The following COA1 variants were observed in gnomAD, a reference collection of about 807,000 sequenced individuals.
COA1 encodes the protein cytochrome c oxidase assembly factor 1 homolog.
Under a neutral mutation model 16.0 loss-of-function variants are expected in COA1, and 13 were observed. The ratio of observed to expected loss-of-function variants is 0.81; its 90% CI spans 0.53 to 1.29. The LOEUF (loss-of-function observed/expected upper bound fraction) is 1.29. Ranked by LOEUF, COA1 falls within the 50% of genes most tolerant of loss-of-function variation. The pLI, the probability that COA1 is intolerant of heterozygous loss-of-function variation, is 0.00. For synonymous variants in COA1, 65 were observed against 65.7 expected (o/e 0.99, Z 0.05); for missense variants, 179 against 177.0 (o/e 1.01, Z -0.06).
At chr7:43,653,035 GAAGT>G (rs1387139277) in intron 1 of COA1, among the ~76,000 whole-genome samples, 1 of 152,210 alleles carries the variant, frequency 6.6e-6, no homozygotes, top group African/African-American at 2.4e-5. Flanking sequence ...TTAAGAAAAA[GAAGT>G]ATGTGGCTCA....
chr7:43,696,928 T>A (rs1176893680), intron 1 of COA1, among the ~76,000 whole-genome samples: 1 of 151,900 alleles, frequency 6.6e-6, no homozygotes, highest in Admixed American at 6.6e-5. Flanking sequence ...ATCAAGACCA[T>A]CCTGGCCAAA....
rs745585047 is a variant in COA1, at chr7:43,647,516, C to A, written c.115+19G>T. The A allele has an allele frequency of 4.5e-6, 7 of 1,565,448 alleles. No individual in the cohort carries two copies. Among genetic ancestry groups the A allele is most frequent in the Non-Finnish European group, 6.2e-6 (7 of 1,135,452 alleles). On this transcript the variant is annotated intron_variant, in intron 3 of 5. Coordinates refer to ENST00000223336, the MANE Select transcript of COA1 (RefSeq NM_018224.4). ...GGCTAGGAGGAGGTCAGGCCGCAGG[C>A]GGCTAGCAGGATACTTACTTTGAAT...
At chr7:43,724,920 T>C (rs1028450082) in intron 1 of COA1, among the ~76,000 whole-genome samples, 1 of 152,220 alleles carries the variant, frequency 6.6e-6, no homozygotes, top group African/African-American at 2.4e-5. Context: ...AGATTTATCA[T>C]TTAATGGGTG....
At chr7:43,648,436 C>G (rs1171105550) in intron 2 of COA1, 164 bp downstream of exon 2, 4 of 789,582 alleles carry the variant, frequency 5.1e-6, no homozygotes, top group Non-Finnish European at 9.1e-6. Flanking sequence ...GAGTGGGAAA[C>G]AATGCAGAAA....
chr7:43,637,235 G>GTATT (rs2086040049), downstream of COA1, among the ~76,000 whole-genome samples: 1 of 152,146 alleles, frequency 6.6e-6, no homozygotes, highest in Admixed American at 6.5e-5. Context: ...TTTTGGCACA[G>GTATT]TATTATAATA....
intron 1 of COA1, among the ~76,000 whole-genome samples, chr7:43,695,804 A>G (rs2094507786): frequency 6.6e-6 from 1 of 152,248 alleles, no homozygotes; most frequent in Non-Finnish European, 1.5e-5. Flanking sequence ...TGGCAATACT[A>G]GTAAAACTGA....
At chr7:43,682,125 T>C (rs888324462) in intron 1 of COA1, among the ~76,000 whole-genome samples, 1 of 152,234 alleles carries the variant, frequency 6.6e-6, no homozygotes, top group Non-Finnish European at 1.5e-5. Context: ...TAGTCATTCA[T>C]GGTAACCCAT....
chr7:43,610,878 A>G lies in COA1; in HGVS notation c.*134-1383T>C, dbSNP rs1583588236. Among the ~76,000 whole-genome samples, 8 of 152,250 alleles carry G rather than the reference A, an allele frequency of 5.3e-5. No individual in the cohort carries two copies. In the South Asian group the frequency reaches 1.7e-3, roughly 32 times the overall value. On this transcript the variant is annotated intron_variant and NMD_transcript_variant, in intron 6 of 6. Transcript: ENST00000415076. The stretch of plus-strand genomic sequence containing the variant: ...ATGCCTGTAATCCCAGCACTTTGGG[A>G]GGTCAAGGAGGGCAGATCGCTTGAG...
At chr7:43,694,915 C>A (rs1008288556) in intron 1 of COA1, among the ~76,000 whole-genome samples, 1 of 152,220 alleles carries the variant, frequency 6.6e-6, no homozygotes, top group Non-Finnish European at 1.5e-5. Context: ...CTCAAACCTG[C>A]TTCTGCCACA....
chr7:43,715,822 G>A (rs570121577), intron 1 of COA1, among the ~76,000 whole-genome samples: 4 of 152,230 alleles, frequency 2.6e-5, no homozygotes, highest in African/African-American at 7.2e-5. Flanking sequence ...ATCCTGAATC[G>A]TACTCCCATA....
At chr7:43,636,702 A>C (rs1754225645), downstream of COA1, among the ~76,000 whole-genome samples, 2 of 152,250 alleles carry the variant, frequency 1.3e-5, no homozygotes, top group Admixed American at 1.3e-4. Context: ...ATCAGGTATT[A>C]TCATGTCCTT....
At chr7:43,615,492 AGTATT>A (rs1243291927) in intron 6 of COA1, among the ~76,000 whole-genome samples, 1 of 146,206 alleles carries the variant, frequency 6.8e-6, no homozygotes, top group Non-Finnish European at 1.6e-5. Flanking sequence ...GTTGTACTAT[AGTATT>A]TTATTAACAT....
intron 1 of COA1, among the ~76,000 whole-genome samples, chr7:43,713,708 T>C (rs905405337): frequency 5.9e-5 from 9 of 152,286 alleles, no homozygotes; most frequent in Non-Finnish European, 1.2e-4. Context: ...TTTCCTCAAA[T>C]AACTGGTAAT....
At chr7:43,644,858 G>T (rs2088791048) in intron 4 of COA1, among the ~76,000 whole-genome samples, 1 of 144,212 alleles carries the variant, frequency 6.9e-6, no homozygotes, top group African/African-American at 2.6e-5. Flanking sequence ...TGTTGCCCAG[G>T]CTGGTTTCAA....
Position 43,647,605 on chromosome 7 carries a change from C to T in COA1, c.45G>A (p.Leu15=), listed in dbSNP as rs777065925. ...CACCGTGGAAAAGGATCCTTGCTCCCAGAGGCATTGACCGCCTGCTTCCTG... is the reference window on the plus strand; with the variant it reads ...CACCGTGGAAAAGGATCCTTGCTCCTAGAGGCATTGACCGCCTGCTTCCTG... The part of the protein sequence containing the change: ...KYAGSRRSMP[L]GARILFHGVF... Residue 15 remains leucine (L), a synonymous_variant, in exon 3 of 6, where the codon CTG becomes CTA. Coordinates refer to ENST00000223336, the MANE Select transcript of COA1 (RefSeq NM_018224.4). 4 of 1,613,890 alleles carry T rather than the reference C, an allele frequency of 2.5e-6. No homozygotes were observed. Among genetic ancestry groups the T allele is most frequent in the African/African-American group, 1.3e-5 (1 of 75,062 alleles).
At chr7:43,647,872 C>T in intron 2 of COA1, 1 of 522,660 alleles carries the variant, frequency 1.9e-6, no homozygotes, top group East Asian at 3.2e-5. Flanking sequence ...TGTGGGGGCC[C>T]TGCCACCCCC....
intron 1 of COA1, among the ~76,000 whole-genome samples, chr7:43,716,052 G>A (rs2095386846): frequency 6.6e-6 from 1 of 152,140 alleles, no homozygotes; most frequent in Non-Finnish European, 1.5e-5. Flanking sequence ...ACATGGAACT[G>A]TAAGTCCAAT....
At chr7:43,642,937 C>T (rs762865901) in intron 4 of COA1, among the ~76,000 whole-genome samples, 13 of 152,154 alleles carry the variant, frequency 8.5e-5, no homozygotes, top group Non-Finnish European at 1.6e-4. Context: ...CCTCACAAAC[C>T]GCTGATTATA....
Position 43,677,676 on chromosome 7 carries a change from G to A in COA1, c.-38-29024C>T, listed in dbSNP as rs1382798605. Among the ~76,000 whole-genome samples the A allele has an allele frequency of 3.3e-5, 5 of 152,086 alleles. No homozygotes were observed. The East Asian group carries it at 5.8e-4, about 18-fold the overall frequency. On this transcript the variant is annotated intron_variant, in intron 1 of 5. Coordinates refer to ENST00000223336, the MANE Select transcript of COA1 (RefSeq NM_018224.4). ...TAGCTGGGTGTGGTGGTGCATGCCTGTAATCTCAGCTACTCAGGAGGCTGA... is the reference window on the plus strand; with the variant it reads ...TAGCTGGGTGTGGTGGTGCATGCCTATAATCTCAGCTACTCAGGAGGCTGA...
Sources: gnomAD v4.1 joint callset for allele counts (sites outside exome capture counted in the v4.1 genomes callset) on GRCh38, gnomAD v4.1.1 for gene constraint, MANE v1.5 for transcripts, NCBI Gene and HGNC (gene_info 2026-07-23, HGNC 2026-07-21) for gene names.